SEMA5A: variants seen among roughly 807,000 people sequenced by gnomAD.
SEMA5A encodes semaphorin 5A.
A neutral mutation model predicts 135.5 loss-of-function variants in SEMA5A; 55 were observed. The observed-to-expected ratio is 0.41, with a 90% CI of 0.33 to 0.51. SEMA5A has a LOEUF of 0.51. Among genes scored for constraint, SEMA5A ranks in the 20% least tolerant of loss-of-function variants. The pLI is 0.37. For missense variants in SEMA5A, 1,290 were observed against 1,419.9 expected (o/e 0.91, Z 1.47); for synonymous variants, 580 against 546.5 (o/e 1.06, Z -0.85).
chr5:9,356,534 A>C (rs1754455785), intron 3 of SEMA5A, among the ~76,000 whole-genome samples: 1 of 152,230 alleles, frequency 6.6e-6, no homozygotes, highest in Non-Finnish European at 1.5e-5. Context: ...GCAAGCGGAA[A>C]AGAACCCCCA....
At chr5:9,206,508 T>G (rs1354884039) in intron 8 of SEMA5A, among the ~76,000 whole-genome samples, 1 of 152,026 alleles carries the variant, frequency 6.6e-6, no homozygotes, top group Non-Finnish European at 1.5e-5. Flanking sequence ...AACCAAATAC[T>G]GAGAATCCAA....
intron 2 of SEMA5A, among the ~76,000 whole-genome samples, chr5:9,404,951 G>A (rs896048435): frequency 2.6e-5 from 4 of 152,142 alleles, no homozygotes; most frequent in Non-Finnish European, 4.4e-5. Context: ...AAGAAAGGGC[G>A]AATATAAGGT....
intron 5 of SEMA5A, among the ~76,000 whole-genome samples, chr5:9,273,458 G>A (rs1212430579): frequency 6.6e-6 from 1 of 152,018 alleles, no homozygotes; most frequent in African/African-American, 2.4e-5. Context: ...AGCAAGGCAG[G>A]CCAACATTCA....
At chr5:9,426,300 C>T (rs1053755612) in intron 2 of SEMA5A, among the ~76,000 whole-genome samples, 1 of 151,878 alleles carries the variant, frequency 6.6e-6, no homozygotes, top group African/African-American at 2.4e-5. Flanking sequence ...TGGCAGGCGC[C>T]TGTAGTCCCA....
At chr5:9,194,920 C>T (rs1031033353) in intron 10 of SEMA5A, among the ~76,000 whole-genome samples, 5 of 152,130 alleles carry the variant, frequency 3.3e-5, no homozygotes, top group African/African-American at 1.2e-4. Flanking sequence ...GAACGGGCTA[C>T]AAGTTATCCA....
At chr5:9,305,705 T>C (rs922147326) in intron 5 of SEMA5A, among the ~76,000 whole-genome samples, 3 of 54,960 alleles carry the variant, frequency 5.5e-5, no homozygotes, top group Non-Finnish European at 8.9e-5. Context: ...TGTGTGTGTG[T>C]GCGTATATAT....
rs554409199 is a variant in SEMA5A at position 9,403,936 on chromosome 5, C to T, written c.-77-23913G>A. ...TGAATCAGTTTGTTTGTTTGTTTGT[C>T]TGTTTGTTTGTTTTTTGAGATGAAG... On this transcript the variant is annotated intron_variant, in intron 2 of 22. Transcript: ENST00000382496. 1.9e-3 allele frequency among the ~76,000 whole-genome samples: 281 copies of T among 145,262 alleles called. 1 individual carries two copies. The highest frequency in any genetic ancestry group is 6.8e-3 in the African/African-American group (272 of 40,200).
chr5:9,435,963 G>T (rs937713819), intron 2 of SEMA5A, among the ~76,000 whole-genome samples: 12 of 152,190 alleles, frequency 7.9e-5, no homozygotes, highest in African/African-American at 2.9e-4. Context: ...ACTAAAATAT[G>T]ACTGTTCTTA....
At chr5:9,142,194 C>T (rs980050699) in intron 12 of SEMA5A, among the ~76,000 whole-genome samples, 1 of 152,204 alleles carries the variant, frequency 6.6e-6, no homozygotes, top group African/African-American at 2.4e-5. Context: ...CTGGTGAATC[C>T]CCACTTCGAT....
chr5:9,362,926 C>T (rs149659446), intron 3 of SEMA5A, among the ~76,000 whole-genome samples: 47 of 152,306 alleles, frequency 3.1e-4, no homozygotes, highest in Admixed American at 7.8e-4. Context: ...CAGCACCACA[C>T]CTGGCTCCTA....
At chr5:9,538,176 A>G (rs934990008) in intron 1 of SEMA5A, among the ~76,000 whole-genome samples, 1 of 151,756 alleles carries the variant, frequency 6.6e-6, no homozygotes, top group Non-Finnish European at 1.5e-5. Context: ...ATCTCTACCC[A>G]AAACCTATAT....
intron 2 of SEMA5A, among the ~76,000 whole-genome samples, chr5:9,391,646 C>T (rs987841761): frequency 6.6e-6 from 1 of 152,132 alleles, no homozygotes; most frequent in African/African-American, 2.4e-5. Flanking sequence ...CACCCCTGTC[C>T]CCTTCTCTCC....
chr5:9,235,707 A>G (rs941478813), intron 6 of SEMA5A, among the ~76,000 whole-genome samples: 2 of 150,220 alleles, frequency 1.3e-5, no homozygotes, highest in East Asian at 4.1e-4. Flanking sequence ...AGGTTGCTCA[A>G]ATCTGAATAG....
intron 2 of SEMA5A, among the ~76,000 whole-genome samples, chr5:9,384,583 GAT>G (rs1561207607): frequency 1.2e-5 from 1 of 85,014 alleles, no homozygotes; most frequent in Non-Finnish European, 2.5e-5. Context: ...TAGATAGATA[GAT>G]AGATAGATAG....
chr5:9,146,874 T>C (rs541019588), intron 12 of SEMA5A, among the ~76,000 whole-genome samples: 1 of 152,196 alleles, frequency 6.6e-6, no homozygotes. Flanking sequence ...CTCAAGACTT[T>C]GAGATTTGGC....
intron 2 of SEMA5A, among the ~76,000 whole-genome samples, chr5:9,380,818 G>A (rs1203428735): frequency 6.6e-6 from 1 of 152,208 alleles, no homozygotes; most frequent in Non-Finnish European, 1.5e-5. Flanking sequence ...AGTCAAGGGA[G>A]AATACGACTG....
At chr5:9,123,641 T>C (rs894069360) in intron 13 of SEMA5A, among the ~76,000 whole-genome samples, 5 of 152,302 alleles carry the variant, frequency 3.3e-5, no homozygotes, top group Non-Finnish European at 5.9e-5. Flanking sequence ...TGCATGTTTA[T>C]GTGCCTTTAA....
chr5:9,145,802 C>CAT, intron 12 of SEMA5A, among the ~76,000 whole-genome samples: 1 of 138,888 alleles, frequency 7.2e-6, no homozygotes. Flanking sequence ...CCACATCCAG[C>CAT]TTTTTTTTTT....
intron 1 of SEMA5A, among the ~76,000 whole-genome samples, chr5:9,520,232 G>T (rs937924045): frequency 3.9e-5 from 6 of 152,330 alleles, no homozygotes; most frequent in Admixed American, 1.3e-4. Context: ...CTCCAGGCCA[G>T]GCACTGTTGT....
Sources: allele counts gnomAD v4.1 joint callset (sites outside exome capture counted in the v4.1 genomes callset), GRCh38; gene constraint gnomAD v4.1.1; transcripts MANE v1.5; gene names NCBI Gene and HGNC (gene_info 2026-07-23, HGNC 2026-07-21).